The following RBFOX3 variants were observed in gnomAD, a reference collection of about 807,000 sequenced individuals.
RBFOX3 encodes the protein RNA binding fox-1 homolog 3.
RBFOX3 carries 17 observed loss-of-function variants against 48.7 expected under a neutral mutation model. The ratio of observed to expected loss-of-function variants is 0.35; its 90% CI spans 0.24 to 0.52. RBFOX3 has a LOEUF of 0.52. Ranked by LOEUF, RBFOX3 falls within the 20% of genes least tolerant of loss-of-function variation. The pLI is 0.94. For synonymous variants in RBFOX3, 212 were observed against 209.5 expected, an observed-to-expected ratio of 1.01 and a Z score of -0.10; for missense variants, 382 against 497.5, an observed-to-expected ratio of 0.77 and a Z score of 2.21.
intron 2 of RBFOX3, among the ~76,000 whole-genome samples, chr17:79,340,298 C>CA (rs57048189): frequency 0.45 from 52,769 of 117,542 alleles, 10,567 homozygotes; most frequent in Non-Finnish European, 0.52. Context: ...GACTCCATCT[C>CA]AAAAAAAAAA....
intron 4 of RBFOX3, among the ~76,000 whole-genome samples, chr17:79,137,362 C>T (rs1035647054): frequency 4.6e-5 from 7 of 152,226 alleles, no homozygotes; most frequent in Non-Finnish European, 1.0e-4. Context: ...GACAGGAGCA[C>T]CCTCCAACCC....
At chr17:79,375,305 A>T (rs2059080823) in intron 2 of RBFOX3, among the ~76,000 whole-genome samples, 1 of 151,322 alleles carries the variant, frequency 6.6e-6, no homozygotes, top group Non-Finnish European at 1.5e-5. Context: ...ATGGGTAAAG[A>T]GGGGACAGGG....
At chr17:79,308,023 C>T (rs1354491480) in intron 2 of RBFOX3, among the ~76,000 whole-genome samples, 199 bp from the exon 3 acceptor site, 2 of 152,224 alleles carry the variant, frequency 1.3e-5, no homozygotes, top group Non-Finnish European at 2.9e-5. Context: ...CTGTCCACCA[C>T]CTCATGGGTA....
chr17:79,165,138 G>T (rs1264023504), intron 4 of RBFOX3, among the ~76,000 whole-genome samples: 1 of 152,114 alleles, frequency 6.6e-6, no homozygotes, highest in Admixed American at 6.5e-5. Flanking sequence ...CGGGAGACAT[G>T]GGCTGGTGTC....
chr17:79,532,277 T>C (rs1053246212), intron 1 of RBFOX3, among the ~76,000 whole-genome samples: 4 of 151,814 alleles, frequency 2.6e-5, no homozygotes, highest in Non-Finnish European at 5.9e-5. Context: ...AAAGGCAGAA[T>C]AGGATTGGCC....
At chr17:79,233,664 T>G (rs1345335921) in intron 4 of RBFOX3, 1 of 151,838 alleles carries the variant, frequency 6.6e-6, no homozygotes, top group Non-Finnish European at 1.5e-5. Context: ...CTGGAGTAAG[T>G]GGTGCAATCT....
At chr17:79,463,653 CCAT>C (rs2075868668) in intron 2 of RBFOX3, among the ~76,000 whole-genome samples, 1 of 146,810 alleles carries the variant, frequency 6.8e-6, no homozygotes, top group African/African-American at 2.5e-5. Context: ...ACCTCCACCA[CCAT>C]CGCCACCGCC....
Position 79,311,896 on chromosome 17 carries a change from T to C in RBFOX3, c.-174-4072A>G, listed in dbSNP as rs2076905985. On this transcript the variant is annotated intron_variant, in intron 2 of 14. Transcript: ENST00000693108. The surrounding 1 kb of genome is among the most constrained non-coding windows in gnomAD (Gnocchi z 4.2). Reference sequence around the variant, plus strand: ...CCTGGAACAAACCGGCCCTCCTGAATGTAAGGTCAGGCGCGGCTGTGATGA... The same window carrying C: ...CCTGGAACAAACCGGCCCTCCTGAACGTAAGGTCAGGCGCGGCTGTGATGA... Among the ~76,000 whole-genome samples the C allele has an allele frequency of 6.6e-6, 1 of 152,018 alleles. No homozygotes were observed. Among genetic ancestry groups the C allele is most frequent in the East Asian group, 1.9e-4 (1 of 5,192 alleles).
Position 79,390,337 on chromosome 17 carries a change from C to T in RBFOX3, c.-174-82513G>A, listed in dbSNP as rs2061225860. Among the ~76,000 whole-genome samples the T allele has an allele frequency of 6.6e-6, 1 of 152,252 alleles. No homozygotes were observed. Among genetic ancestry groups the T allele is most frequent in the South Asian group, 2.1e-4 (1 of 4,834 alleles). On this transcript the variant is annotated intron_variant, in intron 2 of 14. Transcript: ENST00000693108. The surrounding 1 kb of genome is among the most constrained non-coding windows in gnomAD (Gnocchi z 4.2). ...AGACTCCACTCTGAGTTTGGCTTTG[C>T]CACGCTGTGGTTTCATCACGACCAT...
chr17:79,329,508 G>A (rs1165986438), intron 2 of RBFOX3, among the ~76,000 whole-genome samples: 1 of 152,134 alleles, frequency 6.6e-6, no homozygotes, highest in African/African-American at 2.4e-5. Context: ...GATCACCCGT[G>A]AGAACTTCCT....
chr17:79,440,714 G>T (rs2070715552), intron 2 of RBFOX3, among the ~76,000 whole-genome samples: 1 of 152,114 alleles, frequency 6.6e-6, no homozygotes, highest in Non-Finnish European at 1.5e-5. Flanking sequence ...TATGGCTCTA[G>T]TTCCCCAGCA....
intron 2 of RBFOX3, among the ~76,000 whole-genome samples, chr17:79,438,241 C>G (rs1344151334): frequency 6.6e-6 from 1 of 152,228 alleles, no homozygotes; most frequent in African/African-American, 2.4e-5. Flanking sequence ...CCCCTGAGCT[C>G]AGGTCCTAAC....
chr17:79,122,357 TCTC>T (rs1479213477), intron 4 of RBFOX3, among the ~76,000 whole-genome samples: 1 of 152,152 alleles, frequency 6.6e-6, no homozygotes, highest in Non-Finnish European at 1.5e-5. Context: ...CTCCTGCTTC[TCTC>T]CTCTTGCTTG....
intron 1 of RBFOX3, among the ~76,000 whole-genome samples, chr17:79,559,521 A>C (rs2092030185): frequency 7.5e-6 from 1 of 134,024 alleles, no homozygotes; most frequent in Non-Finnish European, 1.6e-5. Flanking sequence ...TGGATAGTGG[A>C]TGGTGAATAG....
At chr17:79,118,661 C>G (rs1802683642) in intron 4 of RBFOX3, among the ~76,000 whole-genome samples, 1 of 152,114 alleles carries the variant, frequency 6.6e-6, no homozygotes, top group Non-Finnish European at 1.5e-5. Context: ...TCCTCCACCT[C>G]CTCCAAGGCC....
rs797024642 is a variant in RBFOX3, at chr17:79,537,131, AC to A, written c.-319-54534del. Among the ~76,000 whole-genome samples, 382 of 151,306 alleles carry A rather than the reference AC, an allele frequency of 2.5e-3. 1 individual carries two copies. The highest frequency in any genetic ancestry group is 9.0e-3 in the African/African-American group (367 of 40,994). On this transcript the variant is annotated intron_variant, in intron 1 of 14. Transcript: ENST00000693108. Reference sequence around the variant, plus strand: ...CAAACAAAAAACAAAAAAAAAAAAAACCAAAAAAGCAACACACATTTATCCT... The same window carrying A: ...CAAACAAAAAACAAAAAAAAAAAAAACAAAAAAGCAACACACATTTATCCT...
At chr17:79,343,681 T>A (rs1259752082) in intron 2 of RBFOX3, among the ~76,000 whole-genome samples, 2 of 152,198 alleles carry the variant, frequency 1.3e-5, no homozygotes, top group African/African-American at 4.8e-5. Flanking sequence ...CACTGACCCC[T>A]AGTAACAGAG....
the RBFOX3 span, among the ~76,000 whole-genome samples, chr17:79,632,778 G>T: frequency 6.6e-6 from 1 of 150,854 alleles, no homozygotes; most frequent in Non-Finnish European, 1.5e-5. Flanking sequence ...AAGGCCTGAT[G>T]GTGCACACCT....
At chr17:79,389,943 G>C (rs1275840400) in intron 2 of RBFOX3, among the ~76,000 whole-genome samples, 2 of 152,066 alleles carry the variant, frequency 1.3e-5, no homozygotes, top group Admixed American at 6.5e-5. Flanking sequence ...ACCAGAGCCA[G>C]GTCTCCGCAG....
Sources: allele counts gnomAD v4.1 joint callset (sites outside exome capture counted in the v4.1 genomes callset), GRCh38; gene constraint gnomAD v4.1.1; non-coding constraint Gnocchi (gnomAD v3.1); transcripts MANE v1.5; gene names NCBI Gene and HGNC (gene_info 2026-07-23, HGNC 2026-07-21).